NUP160: variants seen among roughly 807,000 people sequenced by gnomAD.
The protein encoded by NUP160 is nuclear pore complex protein Nup160.
Under a neutral mutation model 196.9 loss-of-function variants are expected in NUP160, and 94 were observed. The observed-to-expected ratio is 0.48, with a 90% CI of 0.40 to 0.57. The LOEUF (loss-of-function observed/expected upper bound fraction) is 0.57. Ranked by LOEUF, NUP160 falls within the 20% of genes least tolerant of loss-of-function variation. NUP160 has a pLI of 0.00. For missense variants in NUP160, 1,638 were observed against 1,748.3 expected, an observed-to-expected ratio of 0.94 and a Z score of 1.13; for synonymous variants, 605 against 619.7, an observed-to-expected ratio of 0.98 and a Z score of 0.35.
chr11:47,791,611 GATTAC>G (rs1426643597), intron 29 of NUP160, among the ~76,000 whole-genome samples: 1 of 152,140 alleles, frequency 6.6e-6, no homozygotes, highest in East Asian at 1.9e-4. Context: ...AAGGTGCTGG[GATTAC>G]AGGTGTGAGC....
chr11:47,806,202 T>A, exon 20 of NUP160: 1 of 1,614,122 alleles, frequency 6.2e-7, no homozygotes, highest in Non-Finnish European at 8.5e-7. Flanking sequence ...TCAGGCCAAT[T>A]CAATCCAGTT....
At chr11:47,793,149 G>A (rs963369770) in intron 27 of NUP160, among the ~76,000 whole-genome samples, 18 of 151,868 alleles carry the variant, frequency 1.2e-4, no homozygotes, top group African/African-American at 4.1e-4. Flanking sequence ...CACCACGCCC[G>A]GCTAATTTTT....
intron 17 of NUP160, among the ~76,000 whole-genome samples, chr11:47,809,734 CAAAAAAA>C (rs779243939): frequency 2.1e-5 from 1 of 47,906 alleles, no homozygotes; most frequent in African/African-American, 9.8e-5. Flanking sequence ...GCAAGACTCT[CAAAAAAA>C]AAAAAAAAAA....
intron 7 of NUP160, among the ~76,000 whole-genome samples, chr11:47,823,559 G>A (rs555477573): frequency 1.3e-5 from 2 of 151,914 alleles, no homozygotes; most frequent in South Asian, 4.2e-4. Flanking sequence ...TTTTGATAAG[G>A]AGCCTCGCTC....
chr11:47,800,123 G>A (rs572237103), intron 23 of NUP160, among the ~76,000 whole-genome samples: 21 of 151,846 alleles, frequency 1.4e-4, no homozygotes, highest in African/African-American at 4.8e-4. Context: ...GTGTGGTGGT[G>A]CACACCTGTA....
intron 7 of NUP160, among the ~76,000 whole-genome samples, chr11:47,832,605 G>C (rs928576529): frequency 2.0e-5 from 3 of 152,126 alleles, no homozygotes; most frequent in Non-Finnish European, 4.4e-5. Context: ...TCCTACAATT[G>C]CATCTCCAAC....
intron 2 of NUP160, among the ~76,000 whole-genome samples, 174 bp downstream of exon 2, chr11:47,847,674 T>C (rs1852426467): frequency 6.7e-6 from 1 of 149,706 alleles, no homozygotes; most frequent in South Asian, 2.1e-4. Flanking sequence ...GAGAGGTATC[T>C]CTTCTAGAAC....
exon 1 of NUP160, chr11:47,848,451 C>A: frequency 6.8e-7 from 1 of 1,479,020 alleles, no homozygotes; most frequent in South Asian, 1.3e-5. Context: ...TCCGGCCCTT[C>A]GTTGCGAGGC....
At chr11:47,786,147 G>A (rs1347385345) in intron 32 of NUP160, among the ~76,000 whole-genome samples, 3 of 152,172 alleles carry the variant, frequency 2.0e-5, no homozygotes, top group Admixed American at 2.0e-4. Flanking sequence ...GGGAAAAAAG[G>A]AGGATAACAC....
intron 27 of NUP160, among the ~76,000 whole-genome samples, chr11:47,793,182 TAG>T (rs2097668904): frequency 1.3e-5 from 2 of 152,068 alleles, no homozygotes; most frequent in Admixed American, 6.6e-5. Context: ...GAGAGTTTAG[TAG>T]AGAGTTTCAC....
chr11:47,838,639 G>GT (rs72512069), intron 4 of NUP160, among the ~76,000 whole-genome samples: 1 of 151,806 alleles, frequency 6.6e-6, no homozygotes, highest in Non-Finnish European at 1.5e-5. Context: ...ACCTGGGGGG[G>GT]GCGGAGGTTG....
intron 11 of NUP160, among the ~76,000 whole-genome samples, chr11:47,817,776 A>T (rs1474250256): frequency 6.6e-6 from 1 of 152,198 alleles, no homozygotes; most frequent in Non-Finnish European, 1.5e-5. Context: ...ACAGTGCAGT[A>T]TGGTATCTTT....
At chr11:47,781,136 T>C (rs1001656136) in intron 34 of NUP160, among the ~76,000 whole-genome samples, 3 of 151,776 alleles carry the variant, frequency 2.0e-5, no homozygotes, top group Non-Finnish European at 2.9e-5. Context: ...GGCTGAAGAA[T>C]TGCTTGAACC....
intron 8 of NUP160, 44 bp downstream of exon 8, chr11:47,822,043 T>A: frequency 7.6e-7 from 1 of 1,314,932 alleles, no homozygotes; most frequent in Non-Finnish European, 1.1e-6. Flanking sequence ...TCAATACTTC[T>A]TTTTCTTGTA....
intron 27 of NUP160, among the ~76,000 whole-genome samples, chr11:47,795,174 TG>T (rs1227619031): frequency 1.3e-5 from 2 of 152,208 alleles, no homozygotes; most frequent in African/African-American, 4.8e-5. Flanking sequence ...AAAAGTCCAT[TG>T]TTCTGGAACA....
chr11:47,788,316 G>C lies in NUP160; in HGVS notation c.3623-11C>G. On this transcript the variant is annotated splice_polypyrimidine_tract_variant and intron_variant, in intron 30 of 35. Coordinates refer to ENST00000378460, the Ensembl canonical transcript of NUP160. ...CTGCTGATGAACTTCCTGTGAAAAT[G>C]GAAAAAGATTATTTCGTGTAGCCAA... The C allele has an allele frequency of 6.2e-7, 1 of 1,612,726 alleles. No homozygotes were observed. Among genetic ancestry groups the C allele is most frequent in the Non-Finnish European group, 8.5e-7 (1 of 1,179,680 alleles).
In NUP160 at chr11:47,806,315, TAAAAA is replaced by T. The variant is rs757435432; in HGVS notation, c.2447-8_2447-4del. 1.5e-5 allele frequency: 24 copies of T among 1,603,382 alleles called. No individual in the cohort carries two copies. The highest frequency in any genetic ancestry group is 2.0e-5 in the Non-Finnish European group (23 of 1,173,970). On this transcript the variant is annotated splice_region_variant and splice_polypyrimidine_tract_variant and intron_variant, in intron 19 of 35. Transcript: ENST00000378460. The stretch of plus-strand genomic sequence containing the variant: ...CACAATAGTCTGAGGACTAGATACT[TAAAAA>T]GAAAAAGTTATGACAGTTTTGTGTA...
intron 32 of NUP160, 47 bp downstream of exon 32, chr11:47,786,406 G>T: frequency 8.5e-7 from 1 of 1,174,428 alleles, no homozygotes; most frequent in Non-Finnish European, 1.3e-6. Flanking sequence ...GACAGTTACA[G>T]CTTTTAGAAA....
At chr11:47,821,084 T>C (rs1851847974) in intron 9 of NUP160, among the ~76,000 whole-genome samples, 1 of 151,876 alleles carries the variant, frequency 6.6e-6, no homozygotes, top group Admixed American at 6.6e-5. Context: ...CCTAAGGAAG[T>C]TGCAGGAATC....
Sources: gnomAD v4.1 joint callset for allele counts (sites outside exome capture counted in the v4.1 genomes callset) on GRCh38, gnomAD v4.1.1 for gene constraint, MANE v1.5 for transcripts, NCBI Gene and HGNC (gene_info 2026-07-23, HGNC 2026-07-21) for gene names.